SHB: variants seen among roughly 807,000 people sequenced by gnomAD.
SHB encodes SH2 domain-containing adapter protein B.
Under a neutral mutation model 52.3 loss-of-function variants are expected in SHB, and 20 were observed. The ratio of observed to expected loss-of-function variants is 0.38; its 90% CI spans 0.27 to 0.56. The LOEUF (loss-of-function observed/expected upper bound fraction) is 0.56. Ranked by LOEUF, SHB falls within the 20% of genes least tolerant of loss-of-function variation. The pLI is 0.71. For missense variants in SHB, 825 were observed against 723.3 expected, an observed-to-expected ratio of 1.14 and a Z score of -1.61; for synonymous variants, 397 against 316.5, an observed-to-expected ratio of 1.25 and a Z score of -2.70.
At chr9:37,950,547 G>A (rs979300123) in intron 4 of SHB, among the ~76,000 whole-genome samples, 3 of 152,166 alleles carry the variant, frequency 2.0e-5, no homozygotes, top group Admixed American at 6.5e-5. Flanking sequence ...TGGTCTCTGC[G>A]CGGTAGTGGA....
intron 5 of SHB, among the ~76,000 whole-genome samples, chr9:37,929,063 C>A (rs928480622): frequency 6.6e-6 from 1 of 152,234 alleles, no homozygotes; most frequent in East Asian, 1.9e-4. Flanking sequence ...CCTTGGGGTG[C>A]CTGAGGATGG....
chr9:38,015,758 C>T (rs1821201546), intron 2 of SHB, among the ~76,000 whole-genome samples: 1 of 152,228 alleles, frequency 6.6e-6, no homozygotes, highest in Admixed American at 6.5e-5. Context: ...TTGGCCCCTA[C>T]CTTTGGTTAA....
intron 2 of SHB, among the ~76,000 whole-genome samples, chr9:37,982,352 G>T (rs1018932925): frequency 6.6e-6 from 1 of 151,992 alleles, no homozygotes; most frequent in African/African-American, 2.4e-5. Flanking sequence ...AATTAGAGGG[G>T]TGTGGTGGTG....
chr9:37,965,850 G>A (rs1328169859), intron 3 of SHB, among the ~76,000 whole-genome samples: 1 of 152,172 alleles, frequency 6.6e-6, no homozygotes, highest in Non-Finnish European at 1.5e-5. Flanking sequence ...TACAGTGGGG[G>A]CGGTACTATG....
chr9:37,918,363 G>C lies in SHB; in HGVS notation c.*1458C>G, dbSNP rs1019691452. On this transcript the variant is annotated 3_prime_UTR_variant, in exon 6 of 6. Coordinates refer to ENST00000377707, the MANE Select transcript of SHB (RefSeq NM_003028.3). Reference sequence around the variant, plus strand: ...CTATGGCAAGCAAGAGAGAGGTCGCGTGTGCGTGTGCGTGTGTAGGTGTTC... The same window carrying C: ...CTATGGCAAGCAAGAGAGAGGTCGCCTGTGCGTGTGCGTGTGTAGGTGTTC... 6.8e-6 allele frequency among the ~76,000 whole-genome samples: 1 copy of C among 147,816 alleles called. No individual in the cohort carries two copies. The highest frequency in any genetic ancestry group is 1.5e-5 in the Non-Finnish European group (1 of 67,028).
rs539614462 is a variant in SHB, at chr9:37,956,076, G to A, written c.1055-22C>T. On this transcript the variant is annotated intron_variant, in intron 3 of 5. Transcript: ENST00000377707. ...TGTGCTGTGGGGAGAGAGAGAAAGTGCAGGGTTAGCAGAGCTCAGCCCAGG... is the reference window on the plus strand; with the variant it reads ...TGTGCTGTGGGGAGAGAGAGAAAGTACAGGGTTAGCAGAGCTCAGCCCAGG... The A allele has an allele frequency of 2.6e-6, 4 of 1,549,860 alleles. No individual in the cohort carries two copies. The African/African-American group carries it at 5.5e-5, about 21-fold the overall frequency.
intron 5 of SHB, among the ~76,000 whole-genome samples, chr9:37,945,634 T>G (rs984893633): frequency 1.3e-5 from 2 of 152,182 alleles, no homozygotes; most frequent in Admixed American, 6.5e-5. Context: ...TGGGCTCAGA[T>G]GGGTCACCCA....
chr9:38,001,531 G>A (rs1219756741), intron 2 of SHB, among the ~76,000 whole-genome samples: 1 of 152,252 alleles, frequency 6.6e-6, no homozygotes, highest in Non-Finnish European at 1.5e-5. Context: ...TTCAGACAAG[G>A]ATGGCTTCTC....
intron 5 of SHB, among the ~76,000 whole-genome samples, chr9:37,944,710 C>T (rs116992282): frequency 0.052 from 7,858 of 152,248 alleles, 273 homozygotes; most frequent in Non-Finnish European, 0.079. Flanking sequence ...TGGGAGCCCC[C>T]GAGACCCGCC....
intron 2 of SHB, among the ~76,000 whole-genome samples, chr9:37,979,029 C>T (rs1820689745): frequency 6.6e-6 from 1 of 152,202 alleles, no homozygotes; most frequent in African/African-American, 2.4e-5. Context: ...ACATCGAAGG[C>T]CCTTGTGCCA....
intron 2 of SHB, among the ~76,000 whole-genome samples, chr9:37,988,849 T>C (rs1421720408): frequency 6.6e-6 from 1 of 152,252 alleles, no homozygotes; most frequent in East Asian, 1.9e-4. Flanking sequence ...GAGAGAACTC[T>C]ACTGCCTGAC....
intron 1 of SHB, among the ~76,000 whole-genome samples, chr9:38,023,207 C>T (rs567155221): frequency 3.3e-5 from 5 of 152,310 alleles, no homozygotes; most frequent in Non-Finnish European, 7.3e-5. Context: ...TGCCGCCAGG[C>T]AGGGACAGTC....
At chr9:37,949,329 G>T (rs969732574) in intron 4 of SHB, among the ~76,000 whole-genome samples, 12 of 147,622 alleles carry the variant, frequency 8.1e-5, no homozygotes, top group Admixed American at 3.4e-4. Flanking sequence ...GGAGGCGGAG[G>T]TTGCAGTGAG....
intron 1 of SHB, among the ~76,000 whole-genome samples, chr9:38,065,789 G>T (rs895322225): frequency 1.3e-5 from 2 of 152,098 alleles, no homozygotes; most frequent in African/African-American, 4.8e-5. Flanking sequence ...AGCCTACAAG[G>T]TCCTCCCTGA....
chr9:37,927,951 T>TC (rs1491299825), intron 5 of SHB, among the ~76,000 whole-genome samples: 1 of 138,900 alleles, frequency 7.2e-6, no homozygotes, highest in Non-Finnish European at 1.5e-5. Flanking sequence ...TCTTTCTCTC[T>TC]TTTTTTTTTT....
chr9:38,027,372 A>G (rs1318222377), intron 1 of SHB, among the ~76,000 whole-genome samples: 1 of 152,182 alleles, frequency 6.6e-6, no homozygotes, highest in African/African-American at 2.4e-5. Context: ...CAAGGGATAC[A>G]TAGTGCCTGT....
At chr9:37,997,941 G>A (rs1187053736) in intron 2 of SHB, among the ~76,000 whole-genome samples, 2 of 152,338 alleles carry the variant, frequency 1.3e-5, no homozygotes, top group East Asian at 1.9e-4. Flanking sequence ...GCCCTGGGAT[G>A]GGATGGGGAT....
At chr9:38,055,416 C>G (rs1310263183) in intron 1 of SHB, among the ~76,000 whole-genome samples, 1 of 152,158 alleles carries the variant, frequency 6.6e-6, no homozygotes, top group Non-Finnish European at 1.5e-5. Flanking sequence ...ACACGGGACA[C>G]CTGGGTTGAT....
At chr9:37,944,032 T>C (rs552767328) in intron 5 of SHB, among the ~76,000 whole-genome samples, 1 of 152,338 alleles carries the variant, frequency 6.6e-6, no homozygotes, top group East Asian at 1.9e-4. Flanking sequence ...CTTTGCTCCC[T>C]GAGGCTGGAG....
Sources: allele counts gnomAD v4.1 joint callset (sites outside exome capture counted in the v4.1 genomes callset), GRCh38; gene constraint gnomAD v4.1.1; transcripts MANE v1.5; gene names NCBI Gene and HGNC (gene_info 2026-07-23, HGNC 2026-07-21).